Variants in BRINP3 observed in about 807,000 individuals in gnomAD.
BRINP3 encodes BMP/retinoic acid-inducible neural-specific protein 3.
In BRINP3, 19 loss-of-function variants were observed where a neutral mutation model predicts 71.0. That is an observed-to-expected ratio of 0.27 (90% confidence interval 0.19 to 0.39). The LOEUF (loss-of-function observed/expected upper bound fraction) is 0.39. Ranked by LOEUF, BRINP3 falls within the 10% of genes least tolerant of loss-of-function variation. The pLI is 1.00. For synonymous variants in BRINP3, 380 were observed against 337.7 expected, an observed-to-expected ratio of 1.13 and a Z score of -1.37; for missense variants, 959 against 940.8, an observed-to-expected ratio of 1.02 and a Z score of -0.25.
intron 7 of BRINP3, among the ~76,000 whole-genome samples, chr1:190,139,713 A>G (rs529130767): frequency 1.3e-5 from 2 of 152,266 alleles, no homozygotes; most frequent in African/African-American, 4.8e-5. Context: ...AATGATATAC[A>G]GAGTTCAGTC....
At chr1:190,311,545 A>T (rs905803799) in intron 2 of BRINP3, among the ~76,000 whole-genome samples, 2 of 151,664 alleles carry the variant, frequency 1.3e-5, no homozygotes, top group Middle Eastern at 3.2e-3. Flanking sequence ...TTCAAAAAGT[A>T]ATATTAATAA....
chr1:190,296,814 A>C (rs1664287175), intron 2 of BRINP3, among the ~76,000 whole-genome samples: 1 of 152,070 alleles, frequency 6.6e-6, no homozygotes, highest in South Asian at 2.1e-4. Context: ...ATAGCATAAA[A>C]AAGAATAAAA....
chr1:190,339,581 T>C (rs1667520314), intron 2 of BRINP3, among the ~76,000 whole-genome samples: 1 of 151,968 alleles, frequency 6.6e-6, no homozygotes, highest in Admixed American at 6.6e-5. Context: ...ACAGAAGTAA[T>C]TATGGACATA....
chr1:190,277,870 CA>C (rs956126921), intron 3 of BRINP3, among the ~76,000 whole-genome samples: 1 of 151,402 alleles, frequency 6.6e-6, no homozygotes, highest in East Asian at 1.9e-4. Flanking sequence ...TATCATTATC[CA>C]AAATAGAAGC....
At chr1:190,278,706 T>C (rs1662810578) in intron 3 of BRINP3, among the ~76,000 whole-genome samples, 1 of 151,440 alleles carries the variant, frequency 6.6e-6, no homozygotes, top group Non-Finnish European at 1.5e-5. Context: ...AGAAACTGAG[T>C]AAGGTTGTTA....
intron 2 of BRINP3, among the ~76,000 whole-genome samples, chr1:190,357,960 G>C (rs1304708927): frequency 6.6e-6 from 1 of 151,272 alleles, no homozygotes; most frequent in Non-Finnish European, 1.5e-5. Flanking sequence ...TAGCCATATG[G>C]AGAAAGCTGA....
chr1:190,239,711 CATCTAT>C (rs1658869500), intron 4 of BRINP3, among the ~76,000 whole-genome samples: 1 of 151,958 alleles, frequency 6.6e-6, no homozygotes, highest in African/African-American at 2.4e-5. Flanking sequence ...GGTACCACAT[CATCTAT>C]ATCTATATTT....
At chr1:190,289,876 A>C (rs1663727915) in intron 2 of BRINP3, among the ~76,000 whole-genome samples, 1 of 151,928 alleles carries the variant, frequency 6.6e-6, no homozygotes, top group Non-Finnish European at 1.5e-5. Context: ...CCTTCTGTGA[A>C]CTTACTTGTG....
intron 2 of BRINP3, among the ~76,000 whole-genome samples, chr1:190,427,072 C>A (rs1673756685): frequency 6.6e-6 from 1 of 151,648 alleles, no homozygotes; most frequent in Non-Finnish European, 1.5e-5. Flanking sequence ...AGTGTTATAC[C>A]TTTGACATCA....
At chr1:190,463,349 T>A (rs1481050861) in intron 1 of BRINP3, among the ~76,000 whole-genome samples, 1 of 151,592 alleles carries the variant, frequency 6.6e-6, no homozygotes. Context: ...ATACAATAGA[T>A]AATGACAAGG....
intron 7 of BRINP3, among the ~76,000 whole-genome samples, chr1:190,136,437 T>C (rs1654984363): frequency 6.6e-6 from 1 of 152,114 alleles, no homozygotes; most frequent in Admixed American, 6.6e-5. Context: ...ATGGATTCCT[T>C]CTTTTCTATT....
intron 6 of BRINP3, among the ~76,000 whole-genome samples, chr1:190,168,592 T>C (rs1186795013): frequency 6.6e-6 from 1 of 152,222 alleles, no homozygotes; most frequent in African/African-American, 2.4e-5. Flanking sequence ...TAAGCTATTA[T>C]GGAGTAAGAT....
intron 2 of BRINP3, among the ~76,000 whole-genome samples, chr1:190,423,590 T>C (rs1235587699): frequency 1.3e-5 from 2 of 151,866 alleles, no homozygotes; most frequent in African/African-American, 2.4e-5. Context: ...ATTACTTTAA[T>C]TTTTGACTTA....
At chr1:190,301,204 C>CATATATATATATATATATATATATAT (rs369121473) in intron 2 of BRINP3, among the ~76,000 whole-genome samples, 1 of 106,340 alleles carries the variant, frequency 9.4e-6, no homozygotes, top group Non-Finnish European at 1.8e-5. Context: ...TATACACATA[C>CATATATATATATATATATATATATAT]ATATATATAT....
chr1:190,458,394 A>G (rs1676153534), intron 1 of BRINP3, among the ~76,000 whole-genome samples: 1 of 152,102 alleles, frequency 6.6e-6, no homozygotes, highest in Non-Finnish European at 1.5e-5. Flanking sequence ...TGACAGGGAG[A>G]AAAGTCATAA....
At chr1:190,431,749 A>G (rs1006868391) in intron 2 of BRINP3, among the ~76,000 whole-genome samples, 1 of 152,200 alleles carries the variant, frequency 6.6e-6, no homozygotes, top group African/African-American at 2.4e-5. Context: ...GAACACACAC[A>G]TGCTCAGAAA....
At chr1:190,117,463 C>G (rs552074838) in intron 7 of BRINP3, among the ~76,000 whole-genome samples, 1 of 151,986 alleles carries the variant, frequency 6.6e-6, no homozygotes, top group Non-Finnish European at 1.5e-5. Context: ...CTTGAGGACC[C>G]AGGTATTTTT....
intron 1 of BRINP3, among the ~76,000 whole-genome samples, chr1:190,460,971 T>C (rs149136983): frequency 6.6e-6 from 1 of 152,162 alleles, no homozygotes; most frequent in African/African-American, 2.4e-5. Context: ...CTAAAATGTA[T>C]TACTGCAATA....
intron 6 of BRINP3, among the ~76,000 whole-genome samples, chr1:190,181,831 G>GT (rs1162458291): frequency 6.6e-6 from 1 of 151,636 alleles, no homozygotes; most frequent in African/African-American, 2.4e-5. Flanking sequence ...ACCCATTTTT[G>GT]TTTTTTTAAC....
Sources: gnomAD v4.1 joint callset for allele counts (sites outside exome capture counted in the v4.1 genomes callset) on GRCh38, gnomAD v4.1.1 for gene constraint, MANE v1.5 for transcripts, NCBI Gene and HGNC (gene_info 2026-07-23, HGNC 2026-07-21) for gene names.